LTF: variants seen among roughly 807,000 people sequenced by gnomAD.
The protein encoded by LTF is epididymis luminal protein 110.
Under a neutral mutation model 87.2 loss-of-function variants are expected in LTF, and 91 were observed. The observed-to-expected ratio is 1.04, with a 90% CI of 0.88 to 1.24. The LOEUF (loss-of-function observed/expected upper bound fraction) is 1.24, where lower values mean the gene tolerates loss of function less well. LTF is among the 50% of genes most tolerant of loss of function. The probability of loss-of-function intolerance (pLI) is 0.00; values close to 1 mark genes in which losing one functional copy is unlikely to be tolerated. For synonymous variants in LTF, 378 were observed against 356.1 expected (o/e 1.06, Z -0.69); for missense variants, 901 against 904.3 (o/e 1.00, Z 0.05).
chr3:46,438,728 C>G lies in LTF; in HGVS notation c.1908+568G>C, dbSNP rs111293703. ...GTTATGGTGGCCAGTCTTGTTATTC[C>G]TGAGTTGTTTTCTTCAAAAGCACAC... On this transcript the variant is annotated intron_variant, in intron 15 of 16. Coordinates refer to ENST00000231751, the MANE Select transcript of LTF (RefSeq NM_002343.6). Among the ~76,000 whole-genome samples the G allele has an allele frequency of 3.2e-3, 489 of 152,282 alleles. 3 individuals are homozygous for G. The highest frequency in any genetic ancestry group is 0.011 in the African/African-American group (461 of 41,558).
At chr3:46,477,902 A>G (rs986567476) in intron 1 of LTF, among the ~76,000 whole-genome samples, 3 of 152,162 alleles carry the variant, frequency 2.0e-5, no homozygotes, top group Admixed American at 6.5e-5. Context: ...TTGAGTCACA[A>G]TCCAACAGAA....
In LTF at chr3:46,437,966, G is replaced by C. The variant is rs769829307; in HGVS notation, c.2072C>G (p.Thr691Ser). ...YLGPQYVAGI[T>S]NLKKCSTSPL... ...GGAGGTTGAGCACTTTTTCAGATTA[G>C]TAATGCCTGCGACATACTGTGGTCC... Residue 691 changes from threonine (T) to serine (S), a missense_variant, in exon 16 of 17, where the codon ACT becomes AGT. Coordinates refer to ENST00000231751, the MANE Select transcript of LTF (RefSeq NM_002343.6). The C allele has an allele frequency of 6.8e-6, 11 of 1,613,704 alleles. No homozygotes were observed. In the East Asian group the frequency reaches 2.5e-4, roughly 36 times the overall value.
intron 16 of LTF, among the ~76,000 whole-genome samples, chr3:46,436,758 G>C (rs2106820125): frequency 6.6e-6 from 1 of 152,330 alleles, no homozygotes; most frequent in East Asian, 1.9e-4. Flanking sequence ...TTCTCAGAGG[G>C]TGGTCCTGAC....
intron 1 of LTF, among the ~76,000 whole-genome samples, chr3:46,472,527 TGAGAGAGAGAGA>T (rs374266932): frequency 7.6e-6 from 1 of 130,728 alleles, no homozygotes; most frequent in Non-Finnish European, 1.6e-5. Context: ...TGTGTGTGTG[TGAGAGAGAGAGA>T]GAGAGAGAGA....
In LTF at chr3:46,441,428, G is replaced by A. The variant is rs769401623; in HGVS notation, c.1711C>T (p.Gln571Ter). The stretch of plus-strand genomic sequence containing the variant: ...CACCTTCACCTACCATCAGTGTTCT[G>A]CAAGACAGTGACATCTTTCACAAAT... Reference protein sequence around the residue: ...VAFVKDVTVLQNTDGNNNEAW... With the variant: ...VAFVKDVTVL Residue 571 changes from glutamine to a stop codon, truncating the protein, a stop_gained, in exon 14 of 17, where the codon CAG (glutamine) becomes TAG (stop). Coordinates refer to ENST00000231751, the MANE Select transcript of LTF (RefSeq NM_002343.6). LOFTEE classifies it high-confidence loss of function. 1.6e-5 allele frequency: 26 copies of A among 1,613,302 alleles called. No homozygotes were observed. The highest frequency in any genetic ancestry group is 2.7e-5 in the African/African-American group (2 of 74,872).
At chr3:46,441,095 A>T (rs1702504965) in intron 14 of LTF, among the ~76,000 whole-genome samples, 1 of 152,152 alleles carries the variant, frequency 6.6e-6, no homozygotes, top group Admixed American at 6.5e-5. Context: ...GTGGGCAGAC[A>T]GTGTGTTTCT....
At chr3:46,436,298 T>C (rs939316182) in intron 16 of LTF, 69 bp from the exon 17 acceptor site, 5 of 1,403,298 alleles carry the variant, frequency 3.6e-6, no homozygotes, top group African/African-American at 1.4e-5. Context: ...TTTAATCCAA[T>C]AAATCAAAGA....
chr3:46,446,317 C>T (rs1702652378), intron 11 of LTF, 123 bp downstream of exon 11: 2 of 622,416 alleles, frequency 3.2e-6, no homozygotes. Flanking sequence ...AAAATTATTG[C>T]TCCTAGAAGC....
intron 14 of LTF, among the ~76,000 whole-genome samples, 187 bp from the exon 15 acceptor site, chr3:46,439,667 G>T (rs1264400337): frequency 5.3e-5 from 8 of 152,216 alleles, no homozygotes; most frequent in African/African-American, 1.9e-4. Flanking sequence ...AAATATTAGT[G>T]CTGTGTCCAT....
upstream of LTF, chr3:46,468,243 T>A (rs1208923960): frequency 2.2e-6 from 1 of 456,780 alleles, no homozygotes; most frequent in East Asian, 6.9e-5. Flanking sequence ...CATGGACTCA[T>A]TAACTTACCC....
At chr3:46,437,669 T>C (rs1389294668) in intron 16 of LTF, among the ~76,000 whole-genome samples, 1 of 152,218 alleles carries the variant, frequency 6.6e-6, no homozygotes, top group African/African-American at 2.4e-5. Context: ...CCTTTCATTT[T>C]ACTGAATAAA....
intron 1 of LTF, among the ~76,000 whole-genome samples, chr3:46,471,072 G>A (rs918056529): frequency 4.6e-5 from 7 of 152,146 alleles, no homozygotes; most frequent in South Asian, 2.1e-4. Flanking sequence ...CCAGAGAGTC[G>A]CCATCCTACT....
At chr3:46,463,586 C>T (rs543300467) in intron 1 of LTF, 18 of 985,566 alleles carry the variant, frequency 1.8e-5, no homozygotes, top group Middle Eastern at 5.2e-4. Flanking sequence ...AGGATTCAAA[C>T]TTCAGACCTC....
intron 1 of LTF, among the ~76,000 whole-genome samples, chr3:46,473,005 A>G (rs1703314327): frequency 6.6e-6 from 1 of 151,932 alleles, no homozygotes; most frequent in Non-Finnish European, 1.5e-5. Flanking sequence ...CAGTCACTAC[A>G]TGTCATCTGG....
At chr3:46,448,066 T>G (rs1242024285) in intron 9 of LTF, among the ~76,000 whole-genome samples, 1 of 152,144 alleles carries the variant, frequency 6.6e-6, no homozygotes, top group Non-Finnish European at 1.5e-5. Flanking sequence ...TGGAAGCATG[T>G]TTAAAAAATG....
chr3:46,437,570 A>G lies in LTF; in HGVS notation c.2098+370T>C, dbSNP rs1042473670. 2.6e-4 allele frequency among the ~76,000 whole-genome samples: 39 copies of G among 151,380 alleles called. 2 individuals carry two copies. Among genetic ancestry groups the G allele is most frequent in the Non-Finnish European group, 1.5e-5 (1 of 67,876 alleles). On this transcript the variant is annotated intron_variant, in intron 16 of 16. Transcript: ENST00000231751. ...ACTCCCGGGCTCAAGCCATCCTCCC[A>G]CCTCTGCTTCCCAAGGTGGTGGGAT...
chr3:46,465,978 C>T (rs1054079344), upstream of LTF, among the ~76,000 whole-genome samples: 3 of 152,180 alleles, frequency 2.0e-5, no homozygotes, highest in African/African-American at 7.2e-5. Flanking sequence ...GTGGCTCATG[C>T]CTGTAATCCC....
rs185577528 is a variant in LTF, at chr3:46,437,939, C to T, written c.2098+1G>A. 2.3e-4 allele frequency: 364 copies of T among 1,613,526 alleles called. No individual in the cohort carries two copies. The highest frequency in any genetic ancestry group is 9.1e-4 in the East Asian group (41 of 44,874). ...GGGGATGCTAGCTAGGGTCTACTTA[C>T]GGGAGGTTGAGCACTTTTTCAGATT... On this transcript the variant is annotated splice_donor_variant, in intron 16 of 16. Coordinates refer to ENST00000231751, the MANE Select transcript of LTF (RefSeq NM_002343.6). LOFTEE classifies it high-confidence loss of function.
At chr3:46,476,605 T>A (rs1399424967) in intron 1 of LTF, among the ~76,000 whole-genome samples, 1 of 152,174 alleles carries the variant, frequency 6.6e-6, no homozygotes, top group Non-Finnish European at 1.5e-5. Flanking sequence ...CATGTAGAGT[T>A]TGATGAATTT....
Sources: gnomAD v4.1 joint callset for allele counts (sites outside exome capture counted in the v4.1 genomes callset) on GRCh38, gnomAD v4.1.1 for gene constraint, MANE v1.5 for transcripts, NCBI Gene and HGNC (gene_info 2026-07-23, HGNC 2026-07-21) for gene names.